PLEKHH3: variants seen among roughly 807,000 people sequenced by gnomAD.
The protein encoded by PLEKHH3 is pleckstrin homology, MyTH4 and FERM domain containing H3, also known as pleckstrin homology domain-containing family H member 3.
A neutral mutation model predicts 77.8 loss-of-function variants in PLEKHH3; 57 were observed. The observed-to-expected ratio is 0.73, with a 90% CI of 0.59 to 0.91. The LOEUF (loss-of-function observed/expected upper bound fraction) is 0.91. PLEKHH3 is among the 40% of genes least tolerant of loss of function. The probability of loss-of-function intolerance (pLI) is 0.00; values close to 1 mark genes in which losing one functional copy is unlikely to be tolerated. For synonymous variants in PLEKHH3, 467 were observed against 504.8 expected (o/e 0.93, Z 1.00); for missense variants, 1,082 against 1,091.2 (o/e 0.99, Z 0.12).
At position 42,668,097 on chromosome 17, in the gene PLEKHH3, C is replaced by T; in HGVS notation, c.*30G>A. 7.2e-7 allele frequency: 1 copy of T among 1,383,578 alleles called. No homozygotes were observed. The highest frequency in any genetic ancestry group is 2.9e-5 in the East Asian group (1 of 35,084). The allele number at this position is 1,383,578 out of a possible 1,614,324, so 85.7% of individuals were successfully genotyped here. On this transcript the variant is annotated 3_prime_UTR_variant, in exon 13 of 13. Coordinates refer to ENST00000591022, the MANE Select transcript of PLEKHH3 (RefSeq NM_024927.5). The stretch of plus-strand genomic sequence containing the variant: ...GAGCAGTCCTGGCCCAGGCTGCAGG[C>T]AGGAGGGAAGTCGTGACCTCTTGGC...
intron 11 of PLEKHH3, 44 bp downstream of exon 11, chr17:42,669,874 G>T: frequency 1.2e-6 from 2 of 1,605,550 alleles, no homozygotes; most frequent in East Asian, 2.3e-5. Flanking sequence ...GCAAAGGTGT[G>T]GGGCTTGGGC....
intron 4 of PLEKHH3, 38 bp from the exon 5 acceptor site, chr17:42,673,594 T>G (rs774171385): frequency 1.0e-5 from 16 of 1,590,356 alleles, no homozygotes; most frequent in Non-Finnish European, 1.4e-5. Context: ...CATTAGGGTC[T>G]GCCGGGGCCC....
rs2052650694 is a variant in PLEKHH3 at position 42,670,039 on chromosome 17, A to G, written c.1892T>C (p.Leu631Pro). The G allele has an allele frequency of 6.5e-7, 1 of 1,539,100 alleles. No individual in the cohort carries two copies. ...GCCCCGTAGCCGCTTCCAGCCGCCC[A>G]GCACGGCAGCTGCCGTGCCGGCGCC... ...GGGAGTAAAV[L>P]GGWKRLRGMG... is the part of the protein sequence containing the mutation. The change falls in exon 11 of 13, where the codon CTG becomes CCG. Residue 631 changes from leucine to proline, a missense_variant. This residue lies in a region of PLEKHH3 where 733 missense variants were observed against 750.0 expected (regional missense o/e 0.98). Coordinates refer to ENST00000591022, the MANE Select transcript of PLEKHH3 (RefSeq NM_024927.5).
intron 10 of PLEKHH3, 85 bp downstream of exon 10, chr17:42,670,488 C>T (rs920057554): frequency 8.5e-6 from 13 of 1,534,280 alleles, no homozygotes; most frequent in African/African-American, 8.3e-5. Flanking sequence ...GCGGGGCTGC[C>T]ATAGTGATGA....
chr17:42,676,287 C>G lies in PLEKHH3; in HGVS notation c.162+115G>C. 6.6e-7 allele frequency: 1 copy of G among 1,519,420 alleles called. No individual in the cohort carries two copies. The highest frequency in any genetic ancestry group is 2.1e-5 in the Admixed American group (1 of 47,948). 94.1% of individuals were successfully genotyped at this position (1,519,420 alleles called of 1,614,324 possible). On this transcript the variant is annotated intron_variant, in intron 1 of 12. Transcript: ENST00000591022. This position sits in a 1 kb window ranked among gnomAD's most constrained non-coding sequence, Gnocchi z 6.6. ...TTTGGCCCCCAGGCAAAAAACTCTCCCTCATCCCTAGTTCGCCAAGCGCGC... is the reference window on the plus strand; with the variant it reads ...TTTGGCCCCCAGGCAAAAAACTCTCGCTCATCCCTAGTTCGCCAAGCGCGC...
chr17:42,671,544 A>T lies in PLEKHH3; in HGVS notation c.1091T>A (p.Leu364His). 3 of 1,610,844 alleles carry T rather than the reference A, an allele frequency of 1.9e-6. No individual in the cohort carries two copies. Among genetic ancestry groups the T allele is most frequent in the South Asian group, 2.2e-5 (2 of 90,534 alleles). ...LGHLERTEQA[L>H]PDSELAEYAR... is the part of the protein sequence containing the mutation. Reference sequence around the variant, plus strand: ...ATATTCCGCCAGTTCCGAGTCCGGGAGTGCCTGCTCGGTCCTGGGTTAGGA... The same window carrying T: ...ATATTCCGCCAGTTCCGAGTCCGGGTGTGCCTGCTCGGTCCTGGGTTAGGA... The change falls in exon 8 of 13, where the codon CTC becomes CAC. Residue 364 changes from leucine to histidine, a missense_variant. Physicochemically the swap from Leu to His is moderately conservative, Grantham distance 99. This residue lies in a region of PLEKHH3 where 733 missense variants were observed against 750.0 expected (regional missense o/e 0.98). Transcript: ENST00000591022. The surrounding 1 kb of genome is among the most constrained non-coding windows in gnomAD (Gnocchi z 4.7).
intron 4 of PLEKHH3, 33 bp from the exon 5 acceptor site, chr17:42,673,589 G>T: frequency 6.3e-7 from 1 of 1,589,322 alleles, no homozygotes; most frequent in Non-Finnish European, 8.5e-7. Context: ...AGGGCCATTA[G>T]GGTCTGCCGG....
intron 7 of PLEKHH3, 48 bp downstream of exon 7, chr17:42,672,038 C>G (rs895228413): frequency 1.3e-5 from 18 of 1,409,696 alleles, no homozygotes; most frequent in Middle Eastern, 2.5e-4. Context: ...TCTCTCCCAG[C>G]CCGGTAGCTC....
chr17:42,674,507 AAGG>A (rs10566217), intron 1 of PLEKHH3, 98 bp from the exon 2 acceptor site: 985,880 of 1,036,420 alleles, frequency 0.95, 469,667 homozygotes, highest in East Asian at 1. Flanking sequence ...GGGATTGAGG[AAGG>A]AGGAGTCACA....
intron 9 of PLEKHH3, 96 bp downstream of exon 9, chr17:42,670,898 G>A: frequency 6.4e-7 from 1 of 1,552,890 alleles, no homozygotes; most frequent in Non-Finnish European, 8.7e-7. Flanking sequence ...ACAGCGCAGG[G>A]CCAGGGGCAA....
Position 42,676,049 on chromosome 17 carries a change from C to G in PLEKHH3, c.162+353G>C. Reference sequence around the variant, plus strand: ...GGACCCAGGCGTTCGAGCCGCCCAGCCGGCCTCGCCACATTCCTCGGCGCT... The same window carrying G: ...GGACCCAGGCGTTCGAGCCGCCCAGGCGGCCTCGCCACATTCCTCGGCGCT... On this transcript the variant is annotated intron_variant, in intron 1 of 12. Transcript: ENST00000591022. This position sits in a 1 kb window ranked among gnomAD's most constrained non-coding sequence, Gnocchi z 6.6. 1 of 1,137,272 alleles carries G rather than the reference C, an allele frequency of 8.8e-7. No individual in the cohort carries two copies. Among genetic ancestry groups the G allele is most frequent in the East Asian group, 6.2e-5 (1 of 16,014 alleles). The allele number at this position is 1,137,272 out of a possible 1,614,324, so 70.4% of individuals were successfully genotyped here. A position where few individuals can be genotyped will look rare whatever the true frequency, so the allele number is the denominator to read the frequency against.
At chr17:42,674,276 C>A in intron 2 of PLEKHH3, 78 bp downstream of exon 2, 2 of 1,464,342 alleles carry the variant, frequency 1.4e-6, no homozygotes, top group East Asian at 2.3e-5. Context: ...TGCACAACCG[C>A]TAGGGGAGAC....
rs1248308881 is a variant in PLEKHH3 at position 42,673,922 on chromosome 17, G to C, written c.298+12C>G. The stretch of plus-strand genomic sequence containing the variant: ...TTGGGGGCCTCCAGAGTGCACTGAG[G>C]GGGGTCTCTACCTTTCACAACGATG... On this transcript the variant is annotated intron_variant, in intron 3 of 12. Coordinates refer to ENST00000591022, the MANE Select transcript of PLEKHH3 (RefSeq NM_024927.5). The C allele has an allele frequency of 1.5e-5, 25 of 1,613,006 alleles. No homozygotes were observed. The highest frequency in any genetic ancestry group is 1.1e-4 in the African/African-American group (8 of 74,834).
chr17:42,670,964 TAGAG>T (rs2052686479), intron 9 of PLEKHH3, 26 bp downstream of exon 9: 10 of 1,603,242 alleles, frequency 6.2e-6, no homozygotes, highest in South Asian at 3.3e-5. Flanking sequence ...GATGGGCTAA[TAGAG>T]AGCAGGGCTG....
chr17:42,670,725 G>T lies in PLEKHH3; in HGVS notation c.1422-20C>A. On this transcript the variant is annotated intron_variant, in intron 9 of 12. Coordinates refer to ENST00000591022, the MANE Select transcript of PLEKHH3 (RefSeq NM_024927.5). ...GCCAAGCTGCAGAAGAGGAGCGGAC[G>T]AAGCGCTAGGGAGAAGCCGGACCCC... is the stretch of plus-strand genomic sequence containing the variant. 2 of 1,607,046 alleles carry T rather than the reference G, an allele frequency of 1.2e-6. No homozygotes were observed. The highest frequency in any genetic ancestry group is 1.7e-6 in the Non-Finnish European group (2 of 1,175,478).
At position 42,669,945 on chromosome 17, in the gene PLEKHH3, A is replaced by C; in HGVS notation, c.1986T>G (p.Ala662=). The change falls in exon 11 of 13, where the codon GCT becomes GCG. Residue 662 remains alanine, a synonymous_variant. Coordinates refer to ENST00000591022, the MANE Select transcript of PLEKHH3 (RefSeq NM_024927.5). ...TGCTCAGCTCCAGAACGTCATACCG[A>C]GCAGCGCCGAACCCCGGACACTGCG... is the stretch of plus-strand genomic sequence containing the variant. ...LAAQCPGFGA[A]RYDVLELSTE... is the part of the protein sequence containing the mutation. 8 of 1,613,374 alleles carry C rather than the reference A, an allele frequency of 5.0e-6. No individual in the cohort carries two copies. Among genetic ancestry groups the C allele is most frequent in the Non-Finnish European group, 6.8e-6 (8 of 1,179,918 alleles).
At chr17:42,670,527 C>G (rs778266804) in intron 10 of PLEKHH3, 46 bp downstream of exon 10, 2 of 1,570,230 alleles carry the variant, frequency 1.3e-6, no homozygotes, top group Non-Finnish European at 1.7e-6. Flanking sequence ...ACCAGGGGTT[C>G]AGGCTTGGGG....
intron 2 of PLEKHH3, 107 bp from the exon 3 acceptor site, chr17:42,674,120 T>C: frequency 2.4e-6 from 3 of 1,256,452 alleles, no homozygotes; most frequent in Non-Finnish European, 3.4e-6. Flanking sequence ...TGGGCACCCC[T>C]CCCCCAGGCT....
chr17:42,670,865 C>A lies in PLEKHH3; in HGVS notation c.1421+129G>T, dbSNP rs902922756. On this transcript the variant is annotated intron_variant, in intron 9 of 12. Coordinates refer to ENST00000591022, the MANE Select transcript of PLEKHH3 (RefSeq NM_024927.5). Reference sequence around the variant, plus strand: ...GACTGCAAACCTGCGGCGGGCAGGTCCGTCTGTAAACCAGCGAACACCACA... The same window carrying A: ...GACTGCAAACCTGCGGCGGGCAGGTACGTCTGTAAACCAGCGAACACCACA... 2.0e-6 allele frequency: 3 copies of A among 1,526,900 alleles called. 1 individual carries two copies. The South Asian group carries it at 3.7e-5, about 19-fold the overall frequency. 94.6% of individuals were successfully genotyped at this position (1,526,900 alleles called of 1,614,324 possible).
Sources: allele counts gnomAD v4.1 joint callset, GRCh38; gene constraint gnomAD v4.1.1; regional missense constraint gnomAD v4.1.1; non-coding constraint Gnocchi (gnomAD v3.1); transcripts MANE v1.5; gene names NCBI Gene and HGNC (gene_info 2026-07-23, HGNC 2026-07-21).